Variants in PARD3B observed in about 807,000 individuals in gnomAD.
The protein encoded by PARD3B is par-3 family cell polarity regulator beta, also known as partitioning defective 3 homolog B.
Under a neutral mutation model 130.2 loss-of-function variants are expected in PARD3B, and 103 were observed. The ratio of observed to expected loss-of-function variants is 0.79; its 90% CI spans 0.67 to 0.93. PARD3B has a LOEUF of 0.93. Ranked by LOEUF, PARD3B falls within the 40% of genes least tolerant of loss-of-function variation. The pLI, the probability that PARD3B is intolerant of heterozygous loss-of-function variation, is 0.00. For missense variants in PARD3B, 1,609 were observed against 1,499.2 expected, an observed-to-expected ratio of 1.07 and a Z score of -1.21; for synonymous variants, 583 against 553.2, an observed-to-expected ratio of 1.05 and a Z score of -0.76.
chr2:205,088,800 C>CTT (rs34435799), intron 4 of PARD3B, among the ~76,000 whole-genome samples: 58,719 of 146,704 alleles, frequency 0.4, 12,138 homozygotes, highest in Admixed American at 0.53. Context: ...TTATGACTGT[C>CTT]TTTTTTTTTT....
intron 16 of PARD3B, among the ~76,000 whole-genome samples, chr2:205,267,997 A>G (rs908368914): frequency 6.6e-6 from 1 of 152,194 alleles, no homozygotes; most frequent in Non-Finnish European, 1.5e-5. Context: ...CACCAACTCT[A>G]TTGGTTATTA....
At chr2:205,141,707 C>T (rs962807353) in intron 10 of PARD3B, among the ~76,000 whole-genome samples, 10 of 152,170 alleles carry the variant, frequency 6.6e-5, no homozygotes, top group Non-Finnish European at 7.4e-5. Flanking sequence ...AGGGGAATCA[C>T]TTTGTTACTG....
chr2:204,916,497 G>T lies in PARD3B; in HGVS notation c.223-48655G>T, dbSNP rs907260809. On this transcript the variant is annotated intron_variant, in intron 2 of 22. Coordinates refer to ENST00000406610, the MANE Select transcript of PARD3B (RefSeq NM_001302769.2). ...TAAGAACAGTCCAATTTATATGGTA[G>T]CATATTGAATTTTAAATTCTATAGA... Among the ~76,000 whole-genome samples the T allele has an allele frequency of 2.0e-5, 3 of 152,096 alleles. No individual in the cohort carries two copies. The East Asian group carries it at 5.8e-4, about 29-fold the overall frequency.
intron 18 of PARD3B, among the ~76,000 whole-genome samples, chr2:205,371,318 T>A (rs2044807123): frequency 6.6e-6 from 1 of 152,154 alleles, no homozygotes; most frequent in African/African-American, 2.4e-5. Flanking sequence ...GTTGTATAAA[T>A]AACCACACAC....
chr2:205,228,728 G>A (rs2038688117), intron 15 of PARD3B, among the ~76,000 whole-genome samples: 1 of 151,950 alleles, frequency 6.6e-6, no homozygotes, highest in Non-Finnish European at 1.5e-5. Flanking sequence ...CCTCTTTAAG[G>A]CCAATAACTC....
chr2:204,926,788 C>T (rs1422936937), intron 2 of PARD3B, among the ~76,000 whole-genome samples: 1 of 152,088 alleles, frequency 6.6e-6, no homozygotes, highest in Non-Finnish European at 1.5e-5. Context: ...GTATAGCATA[C>T]TCTTCAAGCC....
intron 20 of PARD3B, among the ~76,000 whole-genome samples, chr2:205,453,807 T>C (rs1262952495): frequency 6.6e-6 from 1 of 152,206 alleles, no homozygotes; most frequent in East Asian, 1.9e-4. Flanking sequence ...TTTTGTATTT[T>C]TGTTGCAGTT....
chr2:204,966,830 T>C (rs1435377008), intron 3 of PARD3B, among the ~76,000 whole-genome samples: 1 of 152,202 alleles, frequency 6.6e-6, no homozygotes, highest in Non-Finnish European at 1.5e-5. Context: ...ACAATATTTA[T>C]TACATGAGTA....
At chr2:205,316,629 G>A (rs1369143044) in intron 18 of PARD3B, among the ~76,000 whole-genome samples, 3 of 152,098 alleles carry the variant, frequency 2.0e-5, no homozygotes, top group Admixed American at 6.6e-5. Flanking sequence ...AGTGAAAATA[G>A]GATTTAAAAG....
chr2:205,253,375 G>A lies in PARD3B; in HGVS notation c.2185+7553G>A. The stretch of plus-strand genomic sequence containing the variant: ...GAGGAAATGCTGGGACTGTGGGTCA[G>A]TGCTGACACACCCATGGCCATACGT... On this transcript the variant is annotated intron_variant, in intron 16 of 22. Transcript: ENST00000406610. The surrounding 1 kb of genome is among the most constrained non-coding windows in gnomAD (Gnocchi z 4.4). The A allele has an allele frequency of 1.8e-6, 1 of 565,918 alleles. No homozygotes were observed. The highest frequency in any genetic ancestry group is 1.4e-5 in the South Asian group (1 of 72,062). 35.1% of individuals were successfully genotyped at this position (565,918 alleles called of 1,614,324 possible). A position where few individuals can be genotyped will look rare whatever the true frequency, so the allele number is the denominator to read the frequency against.
At chr2:204,546,194 AG>A in intron 1 of PARD3B, 75 bp downstream of exon 1, 1 of 1,537,388 alleles carries the variant, frequency 6.5e-7, no homozygotes, top group Non-Finnish European at 8.8e-7. Context: ...GGCGACACTC[AG>A]GGGATGCAGA....
chr2:205,238,849 A>AAAAAAATATAT lies in PARD3B; in HGVS notation c.2141-6928_2141-6927insAAAAATATATA, dbSNP rs1273582854. Among the ~76,000 whole-genome samples, 333 of 76,876 alleles carry AAAAAAATATAT rather than the reference A, an allele frequency of 4.3e-3. 12 individuals are homozygous for AAAAAAATATAT. The highest frequency in any genetic ancestry group is 6.3e-3 in the Non-Finnish European group (271 of 43,298). The allele number at this position is 76,876 out of a possible 152,430, so 50.4% of individuals were successfully genotyped here. A position where few individuals can be genotyped will look rare whatever the true frequency, so the allele number is the denominator to read the frequency against. On this transcript the variant is annotated intron_variant, in intron 15 of 22. Transcript: ENST00000406610. Reference sequence around the variant, plus strand: ...AAACTCCGTTTCAAAAAAAAAAAAAAATATATATATATATATATATATATA... The same window carrying AAAAAAATATAT: ...AAACTCCGTTTCAAAAAAAAAAAAAAAAAAAATATATATATATATATATATATATATATATA...
chr2:205,365,226 G>A (rs1285919270), intron 18 of PARD3B, among the ~76,000 whole-genome samples: 1 of 151,608 alleles, frequency 6.6e-6, no homozygotes, highest in East Asian at 1.9e-4. Context: ...AATTAGCTGG[G>A]CATGGTATGG....
chr2:205,543,535 C>G (rs1480190592), intron 21 of PARD3B, among the ~76,000 whole-genome samples: 1 of 152,120 alleles, frequency 6.6e-6, no homozygotes, highest in Non-Finnish European at 1.5e-5. Flanking sequence ...AACAGAGTGA[C>G]AGTAATTATG....
chr2:204,659,366 G>C (rs1026730695), intron 1 of PARD3B, among the ~76,000 whole-genome samples: 6 of 152,146 alleles, frequency 3.9e-5, no homozygotes, highest in Non-Finnish European at 7.4e-5. Flanking sequence ...AGATATTCTT[G>C]TGTGACACAG....
chr2:205,398,403 A>G (rs2046112100), intron 18 of PARD3B, among the ~76,000 whole-genome samples: 1 of 152,222 alleles, frequency 6.6e-6, no homozygotes. Flanking sequence ...AAAAAAAGGA[A>G]TAAATTCAGA....
intron 21 of PARD3B, among the ~76,000 whole-genome samples, chr2:205,526,079 A>G (rs2106414733): frequency 6.6e-6 from 1 of 152,310 alleles, no homozygotes; most frequent in East Asian, 1.9e-4. Context: ...GGAATTCCCT[A>G]AACTACATTG....
At chr2:205,222,864 A>G (rs1032502783) in intron 15 of PARD3B, among the ~76,000 whole-genome samples, 7 of 6,590 alleles carry the variant, frequency 1.1e-3, no homozygotes, top group African/African-American at 7.7e-3. Context: ...GTCAGGTGGG[A>G]AAAAAAAAAG....
intron 14 of PARD3B, among the ~76,000 whole-genome samples, chr2:205,189,859 C>T (rs1044765975): frequency 7.0e-6 from 1 of 142,974 alleles, no homozygotes; most frequent in Non-Finnish European, 1.5e-5. Flanking sequence ...CATTTTGTAC[C>T]GCAGCAAAGG....
Sources: gnomAD v4.1 joint callset for allele counts (sites outside exome capture counted in the v4.1 genomes callset) on GRCh38, gnomAD v4.1.1 for gene constraint, Gnocchi (gnomAD v3.1) non-coding constraint, MANE v1.5 for transcripts, NCBI Gene and HGNC (gene_info 2026-07-23, HGNC 2026-07-21) for gene names.